Variants in HDAC9 observed in about 807,000 individuals in gnomAD.
The protein encoded by HDAC9 is MEF-2 interacting transcription repressor (MITR) protein.
HDAC9 carries 41 observed loss-of-function variants against 139.4 expected under a neutral mutation model. That is an observed-to-expected ratio of 0.29 (90% CI 0.23 to 0.38). HDAC9 has a LOEUF of 0.38. Ranked by LOEUF, HDAC9 falls within the 10% of genes least tolerant of loss-of-function variation. HDAC9 has a pLI of 1.00. For missense variants in HDAC9, 1,147 were observed against 1,297.0 expected, an observed-to-expected ratio of 0.88 and a Z score of 1.78; for synonymous variants, 517 against 476.2, an observed-to-expected ratio of 1.09 and a Z score of -1.12.
At chr7:18,737,745 G>A (rs1041724510) in intron 13 of HDAC9, among the ~76,000 whole-genome samples, 25 of 152,232 alleles carry the variant, frequency 1.6e-4, no homozygotes, top group Middle Eastern at 3.4e-3. Flanking sequence ...GTTGATTTGG[G>A]GTGGAGAGTT....
intron 1 of HDAC9, among the ~76,000 whole-genome samples, chr7:18,448,452 C>T (rs992102279): frequency 6.6e-6 from 1 of 151,940 alleles, no homozygotes; most frequent in Non-Finnish European, 1.5e-5. Context: ...TGGTTTGGTA[C>T]CTTTTCTTTA....
intron 1 of HDAC9, among the ~76,000 whole-genome samples, chr7:18,108,608 C>G (rs1217787827): frequency 7.5e-6 from 1 of 133,610 alleles, no homozygotes; most frequent in Non-Finnish European, 1.6e-5. Context: ...TTACACTCAT[C>G]TCCTTTTTTT....
chr7:18,482,308 T>G (rs1795618055), intron 1 of HDAC9, among the ~76,000 whole-genome samples: 1 of 138,310 alleles, frequency 7.2e-6, no homozygotes, highest in Admixed American at 8.2e-5. Flanking sequence ...GCTTGAGAGG[T>G]TGAGACAGGA....
chr7:18,909,112 T>C (rs1252861629), intron 22 of HDAC9, among the ~76,000 whole-genome samples: 1 of 152,092 alleles, frequency 6.6e-6, no homozygotes, highest in East Asian at 1.9e-4. Flanking sequence ...CAAGATCTCA[T>C]TGTGGATTTG....
chr7:18,950,167 T>C (rs560776867), intron 23 of HDAC9, among the ~76,000 whole-genome samples: 1 of 152,222 alleles, frequency 6.6e-6, no homozygotes, highest in South Asian at 2.1e-4. Context: ...GTCATTCTAT[T>C]GCTTTTTCTT....
chr7:18,935,138 A>T (rs1465267590), intron 22 of HDAC9, among the ~76,000 whole-genome samples: 1 of 152,200 alleles, frequency 6.6e-6, no homozygotes, highest in Non-Finnish European at 1.5e-5. Context: ...AAGGAGGAGG[A>T]TAGCTACTGT....
At chr7:18,671,290 C>G (rs1795663002) in intron 12 of HDAC9, among the ~76,000 whole-genome samples, 1 of 151,982 alleles carries the variant, frequency 6.6e-6, no homozygotes, top group African/African-American at 2.4e-5. Context: ...AGATGCATAA[C>G]AATCCTCTCG....
At chr7:18,937,202 G>T (rs1037535761) in intron 23 of HDAC9, among the ~76,000 whole-genome samples, 2 of 151,916 alleles carry the variant, frequency 1.3e-5, no homozygotes, top group Non-Finnish European at 2.9e-5. Flanking sequence ...ATCACGCCCA[G>T]CTAATTTTTG....
At chr7:18,302,158 A>T (rs1798580568) in intron 1 of HDAC9, among the ~76,000 whole-genome samples, 1 of 152,202 alleles carries the variant, frequency 6.6e-6, no homozygotes, top group African/African-American at 2.4e-5. Flanking sequence ...TGTACATGTG[A>T]TTAATAATAA....
chr7:18,525,327 ATATTT>A (rs1806478645), intron 2 of HDAC9, among the ~76,000 whole-genome samples: 1 of 152,164 alleles, frequency 6.6e-6, no homozygotes, highest in Non-Finnish European at 1.5e-5. Flanking sequence ...ATTGCGTTAA[ATATTT>A]TAAAGTACCT....
chr7:18,876,463 G>T (rs2129249515), intron 22 of HDAC9, among the ~76,000 whole-genome samples: 1 of 152,184 alleles, frequency 6.6e-6, no homozygotes, highest in East Asian at 1.9e-4. Flanking sequence ...TTGCGTATTT[G>T]CAGTTTAATA....
intron 22 of HDAC9, among the ~76,000 whole-genome samples, chr7:18,890,806 G>T (rs955725016): frequency 7.9e-5 from 12 of 152,176 alleles, no homozygotes; most frequent in Admixed American, 7.9e-4. Flanking sequence ...TATCTTTGAT[G>T]GCACCGTAAT....
rs571615930 is a variant in HDAC9, at chr7:18,975,963, C to T, written c.3170+10C>T. ...CTCAGGAAGACAGCAGGTATGAATCCAACGTGCGGGAATAATCCGGGTCAG... is the reference window on the plus strand; with the variant it reads ...CTCAGGAAGACAGCAGGTATGAATCTAACGTGCGGGAATAATCCGGGTCAG... On this transcript the variant is annotated intron_variant, in intron 25 of 25. Transcript: ENST00000686413. The T allele has an allele frequency of 1.2e-6, 2 of 1,612,316 alleles. No homozygotes were observed. Among genetic ancestry groups the T allele is most frequent in the Admixed American group, 1.7e-5 (1 of 59,794 alleles).
intron 2 of HDAC9, among the ~76,000 whole-genome samples, chr7:18,280,782 AT>A (rs1369693119): frequency 1.2e-4 from 18 of 152,072 alleles, no homozygotes; most frequent in African/African-American, 3.9e-4. Flanking sequence ...AAATAAATAA[AT>A]AAAAAAGAGG....
chr7:18,477,116 G>C (rs1435421434), intron 1 of HDAC9, among the ~76,000 whole-genome samples: 4 of 152,106 alleles, frequency 2.6e-5, no homozygotes, highest in Non-Finnish European at 4.4e-5. Context: ...GTTCACCTTT[G>C]TGCTCTGCAT....
intron 11 of HDAC9, among the ~76,000 whole-genome samples, chr7:18,655,180 A>G (rs1790706655): frequency 6.6e-6 from 1 of 152,134 alleles, no homozygotes; most frequent in Non-Finnish European, 1.5e-5. Context: ...TTCATTTAGG[A>G]AAGTAGGCAT....
intron 1 of HDAC9, among the ~76,000 whole-genome samples, chr7:18,297,607 T>C (rs1308788156): frequency 6.6e-6 from 1 of 152,220 alleles, no homozygotes; most frequent in Non-Finnish European, 1.5e-5. Flanking sequence ...CATTCTAAAC[T>C]AGGTTAGATT....
intron 13 of HDAC9, among the ~76,000 whole-genome samples, chr7:18,741,520 G>T (rs1787453744): frequency 6.6e-6 from 1 of 152,120 alleles, no homozygotes. Context: ...AAATATGACT[G>T]CCTAATTGAC....
At chr7:18,843,737 T>C (rs1029219455) in intron 21 of HDAC9, among the ~76,000 whole-genome samples, 1 of 152,192 alleles carries the variant, frequency 6.6e-6, no homozygotes, top group African/African-American at 2.4e-5. Context: ...ACTAGACTTA[T>C]TGAGATGACA....
Sources: allele counts gnomAD v4.1 joint callset (sites outside exome capture counted in the v4.1 genomes callset), GRCh38; gene constraint gnomAD v4.1.1; transcripts MANE v1.5; gene names NCBI Gene and HGNC (gene_info 2026-07-23, HGNC 2026-07-21).